GUCY1A2: variants seen among roughly 807,000 people sequenced by gnomAD.
GUCY1A2 encodes the protein guanylate cyclase soluble subunit alpha-2.
GUCY1A2 carries 27 observed loss-of-function variants against 63.5 expected under a neutral mutation model. That is an observed-to-expected ratio of 0.43 (90% CI 0.31 to 0.59). The LOEUF (loss-of-function observed/expected upper bound fraction) is 0.59. Among genes scored for constraint, GUCY1A2 ranks in the 20% least tolerant of loss-of-function variants. The probability of loss-of-function intolerance (pLI) is 0.11; values close to 1 mark genes in which losing one functional copy is unlikely to be tolerated. For missense variants in GUCY1A2, 768 were observed against 913.3 expected, an observed-to-expected ratio of 0.84 and a Z score of 2.05; for synonymous variants, 364 against 343.5, an observed-to-expected ratio of 1.06 and a Z score of -0.66.
At chr11:106,981,736 CA>C (rs1202368879) in intron 2 of GUCY1A2, among the ~76,000 whole-genome samples, 2 of 146,330 alleles carry the variant, frequency 1.4e-5, no homozygotes, top group African/African-American at 5.1e-5. Flanking sequence ...ACAGAAATTT[CA>C]GTCAAAAAAA....
chr11:106,930,490 T>A (rs1860586156), intron 4 of GUCY1A2, among the ~76,000 whole-genome samples: 2 of 152,246 alleles, frequency 1.3e-5, no homozygotes, highest in African/African-American at 4.8e-5. Context: ...GCTTTTTTTC[T>A]GTGCTTGCTC....
At chr11:106,746,328 T>G (rs1201658550) in intron 6 of GUCY1A2, among the ~76,000 whole-genome samples, 1 of 152,242 alleles carries the variant, frequency 6.6e-6, no homozygotes, top group Admixed American at 6.5e-5. Context: ...AGACATACTT[T>G]ATAGGGTTTC....
chr11:106,860,365 T>C (rs897908524), intron 4 of GUCY1A2, among the ~76,000 whole-genome samples: 3 of 151,888 alleles, frequency 2.0e-5, no homozygotes, highest in Non-Finnish European at 2.9e-5. Flanking sequence ...CTAGTATTTA[T>C]CAAACATTTT....
intron 3 of GUCY1A2, among the ~76,000 whole-genome samples, chr11:106,978,186 C>A (rs1214516370): frequency 6.6e-6 from 1 of 152,096 alleles, no homozygotes; most frequent in Non-Finnish European, 1.5e-5. Context: ...ACTGACAAGG[C>A]CACAGAAAGG....
At chr11:106,780,650 A>C (rs1198378940) in intron 5 of GUCY1A2, among the ~76,000 whole-genome samples, 2 of 152,250 alleles carry the variant, frequency 1.3e-5, no homozygotes, top group Non-Finnish European at 2.9e-5. Context: ...AGAGCAAGTT[A>C]CATGGCTATG....
intron 4 of GUCY1A2, among the ~76,000 whole-genome samples, chr11:106,880,828 ATTG>A (rs970990925): frequency 1.3e-5 from 2 of 152,066 alleles, no homozygotes; most frequent in Admixed American, 1.3e-4. Flanking sequence ...TGGTTTTATT[ATTG>A]TTGTTTGTTG....
chr11:106,868,166 A>G (rs1312123204), intron 4 of GUCY1A2, among the ~76,000 whole-genome samples: 2 of 152,220 alleles, frequency 1.3e-5, no homozygotes, highest in East Asian at 1.9e-4. Flanking sequence ...TGGTAGCTAT[A>G]AAGCTATGCC....
intron 4 of GUCY1A2, among the ~76,000 whole-genome samples, chr11:106,873,146 C>A (rs1304481007): frequency 6.6e-6 from 1 of 152,160 alleles, no homozygotes; most frequent in Non-Finnish European, 1.5e-5. Flanking sequence ...ATATGTACCA[C>A]ATTTTCTTTA....
At position 106,939,829 on chromosome 11, in the gene GUCY1A2, A is replaced by C; in HGVS notation, c.837T>G (p.Asp279Glu). ...EQVANEKLCS[D>E]VSNPGNCSCL... The stretch of plus-strand genomic sequence containing the variant: ...AGCTACAATTGCCTGGGTTTGAAAC[A>C]TCAGAGCATAGCTTCTCATTTGCAA... Residue 279 changes from aspartate (D) to glutamate (E), a missense_variant, in exon 4 of 8, where the codon GAT (aspartate) becomes GAG (glutamate). By Grantham distance (45) the Asp-to-Glu change is conservative. Coordinates refer to ENST00000526355, the MANE Select transcript of GUCY1A2 (RefSeq NM_000855.3). The C allele has an allele frequency of 6.2e-7, 1 of 1,613,828 alleles. No homozygotes were observed.
At chr11:106,801,984 T>C (rs1447069441) in intron 5 of GUCY1A2, among the ~76,000 whole-genome samples, 1 of 152,220 alleles carries the variant, frequency 6.6e-6, no homozygotes. Context: ...CAAGTAAATG[T>C]GAATTCTGTT....
chr11:106,944,620 G>A (rs755797287), intron 3 of GUCY1A2, among the ~76,000 whole-genome samples: 1 of 152,116 alleles, frequency 6.6e-6, no homozygotes, highest in Non-Finnish European at 1.5e-5. Context: ...TAACAAACCT[G>A]CACATGTACC....
At chr11:106,805,028 G>T (rs1858662557) in intron 5 of GUCY1A2, among the ~76,000 whole-genome samples, 1 of 152,068 alleles carries the variant, frequency 6.6e-6, no homozygotes, top group Non-Finnish European at 1.5e-5. Context: ...TGAACTTTGT[G>T]TTGTTGTTTT....
At chr11:106,959,609 G>A (rs753462929) in intron 3 of GUCY1A2, among the ~76,000 whole-genome samples, 13 of 152,170 alleles carry the variant, frequency 8.5e-5, no homozygotes, top group Non-Finnish European at 1.2e-4. Flanking sequence ...ACCTGCCTCC[G>A]CAAGGGAAGC....
intron 4 of GUCY1A2, among the ~76,000 whole-genome samples, chr11:106,889,322 T>G (rs1859944059): frequency 6.6e-6 from 1 of 152,296 alleles, no homozygotes; most frequent in South Asian, 2.1e-4. Flanking sequence ...GTTGTGGAGA[T>G]AGAAGCTTCA....
intron 4 of GUCY1A2, among the ~76,000 whole-genome samples, chr11:106,867,930 A>C (rs920195157): frequency 6.6e-6 from 1 of 152,022 alleles, no homozygotes; most frequent in Non-Finnish European, 1.5e-5. Flanking sequence ...TTCCAAATTT[A>C]TTATTGAATT....
rs573571402 is a variant in GUCY1A2 at position 106,800,631 on chromosome 11, C to T, written c.1692+9362G>A. Among the ~76,000 whole-genome samples the T allele has an allele frequency of 8.5e-5, 13 of 152,058 alleles. No homozygotes were observed. In the South Asian group the frequency reaches 1.7e-3, roughly 19 times the overall value. ...GAAACCATCATTCTCAGCAAACTAT[C>T]GCAAGGACAAAAAACCAAACACCGC... On this transcript the variant is annotated intron_variant, in intron 5 of 7. Transcript: ENST00000526355.
intron 7 of GUCY1A2, among the ~76,000 whole-genome samples, chr11:106,708,112 AT>A (rs1429251971): frequency 2.6e-5 from 4 of 151,820 alleles, no homozygotes; most frequent in Non-Finnish European, 4.4e-5. Context: ...GACTTTATTT[AT>A]TTATTCAAAA....
chr11:106,685,026 T>C lies in GUCY1A2; in HGVS notation c.*2523A>G, dbSNP rs1424018900. ...TTTTATATAGTACCTCATAAACATA[T>C]ATAGCAACATTGTAACTACAATAAT... On this transcript the variant is annotated 3_prime_UTR_variant, in exon 8 of 8. Coordinates refer to ENST00000526355, the MANE Select transcript of GUCY1A2 (RefSeq NM_000855.3). 7 of 204,512 alleles carry C rather than the reference T, an allele frequency of 3.4e-5. No homozygotes were observed. Among genetic ancestry groups the C allele is most frequent in the African/African-American group, 1.1e-4 (5 of 43,720 alleles). 12.7% of individuals were successfully genotyped at this position (204,512 alleles called of 1,614,324 possible).
chr11:106,761,547 T>A (rs10502077), intron 6 of GUCY1A2, among the ~76,000 whole-genome samples: 23,191 of 152,130 alleles, frequency 0.15, 3,265 homozygotes, highest in African/African-American at 0.38. Flanking sequence ...CATCAAAACA[T>A]TGCCATAGAG....
Sources: allele counts gnomAD v4.1 joint callset (sites outside exome capture counted in the v4.1 genomes callset), GRCh38; gene constraint gnomAD v4.1.1; transcripts MANE v1.5; gene names NCBI Gene and HGNC (gene_info 2026-07-23, HGNC 2026-07-21).